The following KAZN variants were observed in gnomAD, a reference collection of about 807,000 sequenced individuals.
KAZN encodes kazrin, periplakin interacting protein.
KAZN carries 40 observed loss-of-function variants against 87.4 expected under a neutral mutation model. That is an observed-to-expected ratio of 0.46 (90% CI 0.36 to 0.60). KAZN has a LOEUF of 0.60. Among genes scored for constraint, KAZN ranks in the 20% least tolerant of loss-of-function variants. The probability of loss-of-function intolerance (pLI) is 0.00; values close to 1 mark genes in which losing one functional copy is unlikely to be tolerated. For missense variants in KAZN, 898 were observed against 1,073.9 expected (o/e 0.84, Z 2.29); for synonymous variants, 466 against 458.3 (o/e 1.02, Z -0.22).
At chr1:15,010,628 G>A (rs922412335) in intron 2 of KAZN, among the ~76,000 whole-genome samples, 13 of 152,024 alleles carry the variant, frequency 8.6e-5, no homozygotes, top group Admixed American at 2.6e-4. Context: ...GCCTGACCTC[G>A]TGATCACCCA....
Position 14,976,805 on chromosome 1 carries a change from G to A in KAZN, c.418+15930G>A, listed in dbSNP as rs113755890. Among the ~76,000 whole-genome samples the A allele has an allele frequency of 4.0e-3, 606 of 152,294 alleles. 2 individuals carry two copies. The highest frequency in any genetic ancestry group is 0.014 in the African/African-American group (564 of 41,562). ...GCGGTGGCTCACGCCTGTAATCTCA[G>A]CACTTTGGGAGGCCGAGGCGAGCAG... On this transcript the variant is annotated intron_variant, in intron 2 of 14. Coordinates refer to ENST00000376030, the MANE Select transcript of KAZN (RefSeq NM_201628.3).
chr1:14,167,492 G>T (rs1645856053), intron 1 of KAZN, among the ~76,000 whole-genome samples: 1 of 152,148 alleles, frequency 6.6e-6, no homozygotes, highest in Admixed American at 6.5e-5. Flanking sequence ...GGAGGACGAG[G>T]CACGTGGATC....
chr1:14,415,874 G>A (rs1051826411), intron 2 of KAZN, among the ~76,000 whole-genome samples: 2 of 152,110 alleles, frequency 1.3e-5, no homozygotes, highest in Non-Finnish European at 2.9e-5. Flanking sequence ...CTTGAAAGCA[G>A]AAGGCGTGCT....
chr1:14,115,045 G>A (rs576687273), intron 1 of KAZN, among the ~76,000 whole-genome samples: 41 of 152,278 alleles, frequency 2.7e-4, no homozygotes, highest in African/African-American at 9.6e-4. Flanking sequence ...AGCCCAGGCT[G>A]CCATAACAAA....
At chr1:14,301,203 G>C (rs1389754658) in intron 2 of KAZN, among the ~76,000 whole-genome samples, 1 of 152,160 alleles carries the variant, frequency 6.6e-6, no homozygotes, top group African/African-American at 2.4e-5. Flanking sequence ...GTTGACAGCA[G>C]CCAAGAAGAC....
chr1:15,092,971 T>C (rs1232642606), intron 8 of KAZN, among the ~76,000 whole-genome samples: 2 of 150,946 alleles, frequency 1.3e-5, no homozygotes, highest in Non-Finnish European at 1.5e-5. Context: ...CAGCTTTCAG[T>C]GTATTAAGGA....
At position 14,949,310 on chromosome 1, in the gene KAZN, ATG is replaced by A. The variant is rs1051399006; in HGVS notation, c.227-11371_227-11370del. Among the ~76,000 whole-genome samples, 73 of 152,220 alleles carry A rather than the reference ATG, an allele frequency of 4.8e-4. No individual in the cohort carries two copies. Among genetic ancestry groups the A allele is most frequent in the African/African-American group, 1.6e-3 (67 of 41,500 alleles). On this transcript the variant is annotated intron_variant, in intron 1 of 14. Transcript: ENST00000376030. The surrounding 1 kb of genome is among the most constrained non-coding windows in gnomAD (Gnocchi z 4.3). ...TAAAAACAAAAAAAAGAAAAAGAAA[ATG>A]TGCTCACTGAGGGCTGGAGGAGGCA...
At chr1:14,115,729 C>A (rs191528451) in intron 1 of KAZN, among the ~76,000 whole-genome samples, 3 of 152,094 alleles carry the variant, frequency 2.0e-5, no homozygotes, top group Admixed American at 1.3e-4. Flanking sequence ...GGGGTTGGAA[C>A]AATTTGGAGG....
At chr1:14,145,797 T>C (rs1373766331) in intron 1 of KAZN, among the ~76,000 whole-genome samples, 2 of 152,162 alleles carry the variant, frequency 1.3e-5, no homozygotes, top group Non-Finnish European at 2.9e-5. Context: ...GCTAGGCTGG[T>C]CTTGACCTCC....
intron 8 of KAZN, among the ~76,000 whole-genome samples, chr1:15,087,761 G>T (rs971466670): frequency 6.6e-6 from 1 of 152,170 alleles, no homozygotes; most frequent in African/African-American, 2.4e-5. Flanking sequence ...CTGCTGTACT[G>T]GACAGAGCAG....
chr1:14,372,549 T>C (rs1660576680), intron 2 of KAZN, among the ~76,000 whole-genome samples: 1 of 152,126 alleles, frequency 6.6e-6, no homozygotes, highest in Non-Finnish European at 1.5e-5. Flanking sequence ...AAATTGAAAA[T>C]GTCCCCGTGC....
intron 6 of KAZN, 128 bp from the exon 7 acceptor site, chr1:15,063,444 T>C (rs1473145550): frequency 6.4e-6 from 5 of 779,350 alleles, no homozygotes; most frequent in Non-Finnish European, 9.0e-6. Flanking sequence ...GGCTCCCCAC[T>C]GCAGAGGCAG....
At chr1:14,718,996 T>C (rs1354777798) in intron 1 of KAZN, among the ~76,000 whole-genome samples, 2 of 152,114 alleles carry the variant, frequency 1.3e-5, no homozygotes, top group African/African-American at 4.8e-5. Context: ...TGGGATTGTC[T>C]GAGTCTCTAA....
intron 1 of KAZN, among the ~76,000 whole-genome samples, chr1:14,938,316 C>T (rs1280903647): frequency 1.3e-5 from 2 of 152,062 alleles, no homozygotes; most frequent in African/African-American, 2.4e-5. Context: ...CCAAGGCAGG[C>T]GGATCACCTG....
chr1:14,869,684 C>G (rs1214685643), intron 1 of KAZN, among the ~76,000 whole-genome samples: 2 of 152,188 alleles, frequency 1.3e-5, no homozygotes, highest in Non-Finnish European at 2.9e-5. Flanking sequence ...TGCCTCGTCT[C>G]TTGCTAATCA....
intron 2 of KAZN, among the ~76,000 whole-genome samples, chr1:14,528,499 C>A (rs1672033366): frequency 6.6e-6 from 1 of 151,828 alleles, no homozygotes; most frequent in Non-Finnish European, 1.5e-5. Flanking sequence ...TAAAGACAGC[C>A]CCCGACCAGT....
At position 13,918,275 on chromosome 1, in the gene KAZN, G is replaced by C. The variant is rs1639934977; in HGVS notation, c.91+24519G>C. ...AAAAATCAAAATATCAGCATTAACG[G>C]GAGTTTGGAAGAAGTTGATTCTAAC... On this transcript the variant is annotated intron_variant, in intron 1 of 16. Transcript: ENST00000636203. Among the ~76,000 whole-genome samples, 6 of 152,144 alleles carry C rather than the reference G, an allele frequency of 3.9e-5. 1 individual carries two copies. The South Asian group carries it at 1.2e-3, about 31-fold the overall frequency.
intron 1 of KAZN, among the ~76,000 whole-genome samples, chr1:14,618,116 G>T (rs1678396288): frequency 2.0e-5 from 3 of 152,198 alleles, no homozygotes. Flanking sequence ...GGAAAGGCTT[G>T]AATGCTGCGA....
chr1:14,050,533 A>G (rs1642284195), intron 1 of KAZN, among the ~76,000 whole-genome samples: 1 of 152,172 alleles, frequency 6.6e-6, no homozygotes. Context: ...AGGAAATACT[A>G]CTATTTACAA....
Sources: allele counts gnomAD v4.1 joint callset (sites outside exome capture counted in the v4.1 genomes callset), GRCh38; gene constraint gnomAD v4.1.1; non-coding constraint Gnocchi (gnomAD v3.1); transcripts MANE v1.5; gene names NCBI Gene and HGNC (gene_info 2026-07-23, HGNC 2026-07-21).